The following ADAMTS12 variants were observed in gnomAD, a reference collection of about 807,000 sequenced individuals.
The protein encoded by ADAMTS12 is A disintegrin and metalloproteinase with thrombospondin motifs 12.
ADAMTS12 carries 118 observed loss-of-function variants against 167.8 expected under a neutral mutation model. The ratio of observed to expected loss-of-function variants is 0.70; its 90% CI spans 0.61 to 0.82. The LOEUF (loss-of-function observed/expected upper bound fraction) is 0.82. ADAMTS12 is among the 40% of genes least tolerant of loss of function. ADAMTS12 has a pLI of 0.00. For synonymous variants in ADAMTS12, 704 were observed against 716.9 expected, an observed-to-expected ratio of 0.98 and a Z score of 0.29; for missense variants, 1,916 against 1,998.8, an observed-to-expected ratio of 0.96 and a Z score of 0.79.
chr5:33,576,772 C>G lies in ADAMTS12; in HGVS notation c.3254G>C (p.Gly1085Ala), dbSNP rs1306334136. ...ELSSRYLIST[G>A]STSQPILTSQ... is the part of the protein sequence containing the mutation. ...AGTGAGGATGGGCTGGGAAGTGCTT[C>G]CAGTGGAAATGAGATAGCGAGAGCT... Residue 1085 changes from glycine (G) to alanine (A), a missense_variant, in exon 19 of 24, where the codon GGA (glycine) becomes GCA (alanine). By Grantham distance (60) the Gly-to-Ala change is moderately conservative. Coordinates refer to ENST00000504830, the MANE Select transcript of ADAMTS12 (RefSeq NM_030955.4). 6.2e-7 allele frequency: 1 copy of G among 1,614,180 alleles called. No homozygotes were observed. Among genetic ancestry groups the G allele is most frequent in the East Asian group, 2.2e-5 (1 of 44,874 alleles).
At chr5:33,780,960 G>A (rs73759100) in intron 2 of ADAMTS12, among the ~76,000 whole-genome samples, 138 of 152,172 alleles carry the variant, frequency 9.1e-4, no homozygotes, top group African/African-American at 3.1e-3. Context: ...TGACAAATAC[G>A]TTCCCTTTTC....
intron 5 of ADAMTS12, among the ~76,000 whole-genome samples, chr5:33,662,869 C>T (rs980676552): frequency 6.6e-6 from 1 of 152,222 alleles, no homozygotes; most frequent in African/African-American, 2.4e-5. Context: ...AGAGCCATCC[C>T]TGGTACAGGA....
chr5:33,529,696 A>AT (rs1744003160), intron 23 of ADAMTS12, among the ~76,000 whole-genome samples: 1 of 152,042 alleles, frequency 6.6e-6, no homozygotes, highest in African/African-American at 2.4e-5. Flanking sequence ...ACTGTGCCTT[A>AT]TTTTTGTGAA....
At chr5:33,800,079 T>C (rs1746941083) in intron 2 of ADAMTS12, among the ~76,000 whole-genome samples, 1 of 152,242 alleles carries the variant, frequency 6.6e-6, no homozygotes, top group Non-Finnish European at 1.5e-5. Flanking sequence ...GATACCAATA[T>C]GACACTGACT....
chr5:33,741,293 G>T (rs535053434), intron 3 of ADAMTS12, among the ~76,000 whole-genome samples: 2 of 152,292 alleles, frequency 1.3e-5, no homozygotes, highest in East Asian at 3.9e-4. Context: ...CCTAGATAAG[G>T]TATCTGAAGG....
chr5:33,539,882 G>A (rs901790218), intron 22 of ADAMTS12, among the ~76,000 whole-genome samples: 11 of 127,390 alleles, frequency 8.6e-5, no homozygotes, highest in African/African-American at 2.3e-4. Flanking sequence ...CAGCGAGATC[G>A]ACACAAGATG....
intron 5 of ADAMTS12, among the ~76,000 whole-genome samples, 155 bp downstream of exon 5, chr5:33,682,863 C>T (rs1742178001): frequency 6.6e-6 from 1 of 152,158 alleles, no homozygotes; most frequent in South Asian, 2.1e-4. Context: ...TCACTGAACT[C>T]CCAAGGGAAT....
chr5:33,733,107 ATAGTGGCTATTTT>A (rs1210495276), intron 3 of ADAMTS12, among the ~76,000 whole-genome samples: 3 of 151,966 alleles, frequency 2.0e-5, no homozygotes, highest in African/African-American at 7.2e-5. Context: ...ATATTCACAA[ATAGTGGCTATTTT>A]TGGTTGTGTG....
At chr5:33,861,149 G>A (rs568799776) in intron 2 of ADAMTS12, among the ~76,000 whole-genome samples, 4 of 152,014 alleles carry the variant, frequency 2.6e-5, no homozygotes, top group Non-Finnish European at 4.4e-5. Flanking sequence ...ATCAGCTAAC[G>A]CCATAATGAC....
In ADAMTS12 at chr5:33,565,570, C is replaced by T. The variant is rs368238220; in HGVS notation, c.3973-4391G>A. 1.1e-4 allele frequency among the ~76,000 whole-genome samples: 17 copies of T among 152,252 alleles called. No homozygotes were observed. In the East Asian group the frequency reaches 1.4e-3, roughly 12 times the overall value. On this transcript the variant is annotated intron_variant, in intron 19 of 23. Transcript: ENST00000504830. ...AGTTCTATTCTAGTAATAGTCCTTACAGCTTTGAAAACTCTAGAATCTGAG... is the reference window on the plus strand; with the variant it reads ...AGTTCTATTCTAGTAATAGTCCTTATAGCTTTGAAAACTCTAGAATCTGAG...
chr5:33,707,311 A>C (rs1743236975), intron 3 of ADAMTS12, among the ~76,000 whole-genome samples: 2 of 151,542 alleles, frequency 1.3e-5, no homozygotes, highest in African/African-American at 4.8e-5. Context: ...GAAGACACAA[A>C]TAAATGAAAA....
chr5:33,868,071 T>C (rs1749892570), intron 2 of ADAMTS12, among the ~76,000 whole-genome samples: 1 of 152,200 alleles, frequency 6.6e-6, no homozygotes, highest in East Asian at 1.9e-4. Flanking sequence ...ACCATGATTG[T>C]AAATTTCTTG....
intron 4 of ADAMTS12, 123 bp from the exon 5 acceptor site, chr5:33,683,224 C>T (rs192593094): frequency 4.1e-5 from 29 of 705,744 alleles, no homozygotes; most frequent in African/African-American, 1.1e-4. Context: ...AAATGTTTGG[C>T]GGTGTGCTAA....
At chr5:33,799,506 C>T (rs1338850759) in intron 2 of ADAMTS12, among the ~76,000 whole-genome samples, 3 of 152,172 alleles carry the variant, frequency 2.0e-5, no homozygotes, top group Non-Finnish European at 1.5e-5. Flanking sequence ...ATCCATTCAT[C>T]AGGCAGCCTT....
chr5:33,597,519 C>G (rs13163888), intron 16 of ADAMTS12, among the ~76,000 whole-genome samples: 71,832 of 151,858 alleles, frequency 0.47, 17,795 homozygotes, highest in South Asian at 0.6. Flanking sequence ...TCACACAGCT[C>G]GCAGGACTGA....
At chr5:33,711,240 TC>T (rs1743392571) in intron 3 of ADAMTS12, among the ~76,000 whole-genome samples, 2 of 151,970 alleles carry the variant, frequency 1.3e-5, no homozygotes, top group African/African-American at 4.8e-5. Flanking sequence ...TCCAGCCACA[TC>T]CCCACCTCCC....
At chr5:33,778,570 C>A (rs892774297) in intron 2 of ADAMTS12, among the ~76,000 whole-genome samples, 1 of 150,670 alleles carries the variant, frequency 6.6e-6, no homozygotes, top group African/African-American at 2.5e-5. Flanking sequence ...TACCAGAAGA[C>A]AACTTAGGGA....
intron 15 of ADAMTS12, 135 bp from the exon 16 acceptor site, chr5:33,614,511 A>G: frequency 9.9e-7 from 1 of 1,014,358 alleles, no homozygotes; most frequent in Non-Finnish European, 1.4e-6. Flanking sequence ...CATTAAATAG[A>G]TCTATACCTA....
intron 3 of ADAMTS12, among the ~76,000 whole-genome samples, chr5:33,722,533 A>C (rs1193490218): frequency 2.6e-5 from 4 of 152,236 alleles, no homozygotes; most frequent in Non-Finnish European, 5.9e-5. Context: ...CTGAAATGTG[A>C]ATCTAAGCAG....
Sources: allele counts gnomAD v4.1 joint callset (sites outside exome capture counted in the v4.1 genomes callset), GRCh38; gene constraint gnomAD v4.1.1; transcripts MANE v1.5; gene names NCBI Gene and HGNC (gene_info 2026-07-23, HGNC 2026-07-21).